The following KIAA0232 variants were observed in gnomAD, a reference collection of about 807,000 sequenced individuals.
KIAA0232 encodes KIAA0232.
A neutral mutation model predicts 122.0 loss-of-function variants in KIAA0232; 27 were observed. The observed-to-expected ratio is 0.22, with a 90% confidence interval of 0.16 to 0.31. The LOEUF is 0.31. Among genes scored for constraint, KIAA0232 ranks in the 10% least tolerant of loss-of-function variants. KIAA0232 has a pLI of 1.00. For missense variants in KIAA0232, 1,551 were observed against 1,634.2 expected (o/e 0.95, Z 0.88); for synonymous variants, 613 against 587.6 (o/e 1.04, Z -0.63).
chr4:6,824,722 G>A (rs889669495), intron 3 of KIAA0232, 38 bp downstream of exon 3: 8 of 1,515,374 alleles, frequency 5.3e-6, no homozygotes, highest in Middle Eastern at 1.8e-4. Context: ...AAAACTGATT[G>A]TATCTGTATG....
chr4:6,867,685 A>G (rs1458138181), intron 7 of KIAA0232, among the ~76,000 whole-genome samples: 3 of 152,148 alleles, frequency 2.0e-5, no homozygotes, highest in Non-Finnish European at 4.4e-5. Context: ...ATGAGTAAAG[A>G]AGGAGTGAGG....
chr4:6,786,920 C>T (rs1336980276), intron 1 of KIAA0232, among the ~76,000 whole-genome samples: 3 of 152,112 alleles, frequency 2.0e-5, no homozygotes, highest in Admixed American at 1.3e-4. Context: ...CGGTGGCTCA[C>T]GCCTGTAATT....
intron 3 of KIAA0232, among the ~76,000 whole-genome samples, chr4:6,826,625 C>A (rs1253878165): frequency 1.3e-5 from 2 of 151,268 alleles, no homozygotes; most frequent in Non-Finnish European, 2.9e-5. Flanking sequence ...CTGCCTCTGT[C>A]TCCTGAGTAG....
chr4:6,836,427 T>A (rs1719274701), intron 3 of KIAA0232, among the ~76,000 whole-genome samples: 1 of 151,204 alleles, frequency 6.6e-6, no homozygotes, highest in Non-Finnish European at 1.5e-5. Context: ...TTTCCCCCCA[T>A]TTCTTGTACT....
At chr4:6,812,201 C>T (rs1283172813) in intron 2 of KIAA0232, among the ~76,000 whole-genome samples, 3 of 152,152 alleles carry the variant, frequency 2.0e-5, no homozygotes, top group Non-Finnish European at 1.5e-5. Context: ...TTAAGCTCAA[C>T]ATAGTCATTT....
chr4:6,842,340 C>A, intron 4 of KIAA0232, 136 bp downstream of exon 4: 1 of 827,850 alleles, frequency 1.2e-6, no homozygotes, highest in Non-Finnish European at 1.8e-6. Context: ...ATGAACATTA[C>A]CACTTTTCCT....
In KIAA0232 at chr4:6,862,103, T is replaced by C; in HGVS notation, c.1721T>C (p.Val574Ala). ...ATATGGACAGATTCTACCAGCTCCG[T>C]AGGTGCTGAGGGCTTATTCCTGCAG... ...RAIWTDSTSS[V>A]GAEGLFLQDL... The change falls in exon 7 of 10, where the codon GTA becomes GCA. Residue 574 changes from valine (V) to alanine (A), a missense_variant. Physicochemically the swap from Val to Ala is moderately conservative, Grantham distance 64 (BLOSUM62 0). Coordinates refer to ENST00000307659, the MANE Select transcript of KIAA0232 (RefSeq NM_014743.3). 6.2e-7 allele frequency: 1 copy of C among 1,614,186 alleles called. No homozygotes were observed. The highest frequency in any genetic ancestry group is 8.5e-7 in the Non-Finnish European group (1 of 1,180,016).
chr4:6,843,121 T>C (rs1719753524), intron 4 of KIAA0232, among the ~76,000 whole-genome samples: 1 of 152,230 alleles, frequency 6.6e-6, no homozygotes, highest in African/African-American at 2.4e-5. Flanking sequence ...TTTCCTGAAA[T>C]AACAAAATAA....
chr4:6,848,325 G>C (rs544316726), intron 4 of KIAA0232, among the ~76,000 whole-genome samples: 3 of 152,142 alleles, frequency 2.0e-5, no homozygotes, highest in Non-Finnish European at 2.9e-5. Context: ...TACCTTCAAG[G>C]TTAATTTTGA....
chr4:6,879,813 C>CTGTCTG (rs1721959702), intron 9 of KIAA0232, among the ~76,000 whole-genome samples: 1 of 105,750 alleles, frequency 9.5e-6, no homozygotes, highest in Non-Finnish European at 2.1e-5. Flanking sequence ...CCCAACACAC[C>CTGTCTG]CATCTGCAGT....
In KIAA0232 at chr4:6,863,982, G is replaced by T; in HGVS notation, c.3600G>T (p.Gly1200=). The change falls in exon 7 of 10, where the codon GGG becomes GGT. Residue 1200 remains glycine, a synonymous_variant. Transcript: ENST00000307659. Reference sequence around the variant, plus strand: ...TGGATTCCCAGGAGGAATCAACTGGGATTCTTTCAGTAGGAAAGCAAAATC... The same window carrying T: ...TGGATTCCCAGGAGGAATCAACTGGTATTCTTTCAGTAGGAAAGCAAAATC... ...TSLDSQEEST[G]ILSVGKQNQC... The T allele has an allele frequency of 2.5e-6, 4 of 1,614,050 alleles. No individual in the cohort carries two copies. The highest frequency in any genetic ancestry group is 1.1e-5 in the South Asian group (1 of 91,060).
In KIAA0232 at chr4:6,861,233, G is replaced by A. The variant is rs370763248; in HGVS notation, c.851G>A (p.Arg284His). ...QIRHKPEGKI[R>H]PRSWSSGSSE... is the part of the protein sequence containing the mutation. ...CGACATAAACCTGAAGGAAAGATTC[G>A]CCCTCGCTCGTGGTCTTCTGGCTCC... Residue 284 changes from arginine to histidine, a missense_variant, in exon 7 of 10, where the codon CGC becomes CAC. By Grantham distance (29) the Arg-to-His change is conservative. Transcript: ENST00000307659. The A allele has an allele frequency of 8.7e-6, 14 of 1,614,086 alleles. No individual in the cohort carries two copies. Among genetic ancestry groups the A allele is most frequent in the South Asian group, 2.2e-5 (2 of 91,076 alleles).
chr4:6,828,834 G>A (rs766564565), intron 3 of KIAA0232, among the ~76,000 whole-genome samples: 2 of 152,082 alleles, frequency 1.3e-5, no homozygotes, highest in South Asian at 2.1e-4. Context: ...AAACTAGCAT[G>A]TACTTTTTAA....
chr4:6,863,404 G>T lies in KIAA0232; in HGVS notation c.3022G>T (p.Gly1008Trp). Residue 1008 changes from glycine to tryptophan, a missense_variant, in exon 7 of 10, where the codon GGG becomes TGG. By Grantham distance (184) the Gly-to-Trp change is radical. Around this residue, in one of 5 missense-constraint regions of KIAA0232, gnomAD observed 1,108 missense variants for 1,154.8 expected, o/e 0.96. Transcript: ENST00000307659. ...TGATCAGCCGAAGAGTGGGGAAAAT[G>T]GGTTAAATAAGGGATTTTCTTTTAT... The part of the protein sequence containing the change: ...QNDQPKSGEN[G>W]LNKGFSFIFH... 1 of 1,614,094 alleles carries T rather than the reference G, an allele frequency of 6.2e-7. No individual in the cohort carries two copies.
At chr4:6,846,412 G>A (rs1352009955) in intron 4 of KIAA0232, among the ~76,000 whole-genome samples, 1 of 152,124 alleles carries the variant, frequency 6.6e-6, no homozygotes. Flanking sequence ...CCTGAGCTCC[G>A]CCTCAGATCC....
intron 4 of KIAA0232, among the ~76,000 whole-genome samples, chr4:6,848,345 A>G (rs137857124): frequency 3.0e-4 from 45 of 152,324 alleles, no homozygotes; most frequent in African/African-American, 1.1e-3. Context: ...ACCATATACA[A>G]TTGGCCCTTC....
intron 2 of KIAA0232, among the ~76,000 whole-genome samples, chr4:6,815,654 G>A (rs938206963): frequency 1.4e-4 from 21 of 152,202 alleles, no homozygotes; most frequent in African/African-American, 5.1e-4. Flanking sequence ...ATGTAGAGTA[G>A]TCTGAAGCTA....
At chr4:6,793,253 A>G (rs1040537808) in intron 1 of KIAA0232, among the ~76,000 whole-genome samples, 6 of 152,176 alleles carry the variant, frequency 3.9e-5, no homozygotes, top group African/African-American at 1.4e-4. Flanking sequence ...AACATTGCAT[A>G]TTATGCTTGA....
At chr4:6,841,564 A>C (rs928829689) in intron 3 of KIAA0232, among the ~76,000 whole-genome samples, 1 of 152,196 alleles carries the variant, frequency 6.6e-6, no homozygotes, top group African/African-American at 2.4e-5. Flanking sequence ...TTTTTTTATA[A>C]ATCAGCATTA....
Sources: gnomAD v4.1 joint callset for allele counts (sites outside exome capture counted in the v4.1 genomes callset) on GRCh38, gnomAD v4.1.1 for gene constraint, gnomAD v4.1.1 regional missense constraint, MANE v1.5 for transcripts, NCBI Gene and HGNC (gene_info 2026-07-23, HGNC 2026-07-21) for gene names.